NPAS3: variants seen among roughly 807,000 people sequenced by gnomAD.
NPAS3 encodes the protein neuronal PAS domain-containing protein 3.
NPAS3 carries 14 observed loss-of-function variants against 73.1 expected under a neutral mutation model. The observed-to-expected ratio is 0.19, with a 90% CI of 0.13 to 0.30. NPAS3 has a LOEUF of 0.30. Among genes scored for constraint, NPAS3 ranks in the 10% least tolerant of loss-of-function variants. The pLI is 1.00. For missense variants in NPAS3, 1,096 were observed against 1,250.0 expected (o/e 0.88, Z 1.86); for synonymous variants, 620 against 541.5 (o/e 1.14, Z -2.01).
chr14:33,518,117 A>G (rs1337001748), intron 4 of NPAS3, among the ~76,000 whole-genome samples: 1 of 152,162 alleles, frequency 6.6e-6, no homozygotes, highest in Non-Finnish European at 1.5e-5. Flanking sequence ...CTTTCATGCT[A>G]TGACATATCA....
rs17101046 is a variant in NPAS3 at position 33,416,135 on chromosome 14, C to A, written c.468+48867C>A. On this transcript the variant is annotated intron_variant, in intron 4 of 11. Coordinates refer to ENST00000356141, the Ensembl canonical transcript of NPAS3. The stretch of plus-strand genomic sequence containing the variant: ...AAGCATACAATAGGTACTTACAAAC[C>A]AACTCCATCTTCACAAGTGGAAAGC... 2.5e-4 allele frequency among the ~76,000 whole-genome samples: 38 copies of A among 152,134 alleles called. No individual in the cohort carries two copies. The East Asian group carries it at 7.2e-3, about 29-fold the overall frequency.
At chr14:33,170,839 C>A (rs539027022) in intron 2 of NPAS3, among the ~76,000 whole-genome samples, 1 of 152,276 alleles carries the variant, frequency 6.6e-6, no homozygotes, top group East Asian at 1.9e-4. Flanking sequence ...GAGTTTTGAA[C>A]CTTTCAAAGT....
intron 1 of NPAS3, among the ~76,000 whole-genome samples, chr14:33,025,430 A>G (rs1182347145): frequency 6.6e-6 from 1 of 152,174 alleles, no homozygotes; most frequent in African/African-American, 2.4e-5. Flanking sequence ...GCCTAACCTG[A>G]CCTACTCCCA....
intron 1 of NPAS3, among the ~76,000 whole-genome samples, chr14:33,041,711 G>A (rs1321029473): frequency 6.6e-6 from 1 of 152,294 alleles, no homozygotes; most frequent in African/African-American, 2.4e-5. Context: ...TGCAGCTGAG[G>A]AGATGAGAGA....
At chr14:33,309,083 A>G (rs1007428473) in intron 3 of NPAS3, among the ~76,000 whole-genome samples, 2 of 152,236 alleles carry the variant, frequency 1.3e-5, no homozygotes, top group South Asian at 2.1e-4. Context: ...AGATTAAGCC[A>G]TGGAGTATCC....
intron 2 of NPAS3, among the ~76,000 whole-genome samples, chr14:33,149,551 G>A (rs1481208915): frequency 6.6e-6 from 1 of 152,036 alleles, no homozygotes; most frequent in African/African-American, 2.4e-5. Flanking sequence ...TTTTCCTTTG[G>A]TCTAACTTTC....
intron 10 of NPAS3, among the ~76,000 whole-genome samples, chr14:33,796,231 A>G (rs968666874): frequency 1.3e-5 from 2 of 152,188 alleles, no homozygotes; most frequent in Non-Finnish European, 1.5e-5. Context: ...CCCAGGCCCC[A>G]ATCCAGGCTT....
chr14:33,378,495 G>T (rs573730586), intron 4 of NPAS3, among the ~76,000 whole-genome samples: 1 of 152,200 alleles, frequency 6.6e-6, no homozygotes, highest in Non-Finnish European at 1.5e-5. Flanking sequence ...AATTAGCTGG[G>T]TATGGTGGCA....
intron 2 of NPAS3, among the ~76,000 whole-genome samples, chr14:33,109,034 A>T (rs146634659): frequency 6.6e-6 from 1 of 152,252 alleles, no homozygotes; most frequent in Admixed American, 6.5e-5. Flanking sequence ...TCCTGATTTG[A>T]TTTATTGCAA....
chr14:32,982,087 G>A (rs975222950), intron 1 of NPAS3, among the ~76,000 whole-genome samples: 3 of 152,170 alleles, frequency 2.0e-5, no homozygotes, highest in Non-Finnish European at 2.9e-5. Context: ...CTATAAAGAA[G>A]AGAAATTTAA....
chr14:33,335,043 CGTGTGTGTGT>C (rs59212032), intron 3 of NPAS3, among the ~76,000 whole-genome samples: 4 of 146,950 alleles, frequency 2.7e-5, no homozygotes, highest in Non-Finnish European at 6.0e-5. Flanking sequence ...TGTGTGTGTG[CGTGTGTGTGT>C]GTGTGTGTGT....
chr14:33,633,622 G>T (rs926405403), intron 5 of NPAS3, among the ~76,000 whole-genome samples: 1 of 152,108 alleles, frequency 6.6e-6, no homozygotes, highest in Non-Finnish European at 1.5e-5. Flanking sequence ...ACATAGAAAA[G>T]GCATAGTAAA....
At chr14:33,555,443 A>C (rs1409164785) in intron 4 of NPAS3, among the ~76,000 whole-genome samples, 3 of 152,314 alleles carry the variant, frequency 2.0e-5, no homozygotes, top group Admixed American at 6.5e-5. Context: ...AACAGTGGGC[A>C]GTTGAAAAAA....
chr14:33,724,187 T>C (rs1261080498), intron 6 of NPAS3, among the ~76,000 whole-genome samples: 3 of 151,992 alleles, frequency 2.0e-5, no homozygotes, highest in Non-Finnish European at 4.4e-5. Context: ...TATGTCAGAG[T>C]TAATATCCTT....
intron 2 of NPAS3, among the ~76,000 whole-genome samples, chr14:33,101,200 G>A (rs949004874): frequency 3.3e-5 from 5 of 152,076 alleles, no homozygotes; most frequent in African/African-American, 1.2e-4. Flanking sequence ...ATTTCTGAGT[G>A]TTTGCCAATT....
chr14:33,253,256 T>G (rs943338273), intron 3 of NPAS3, among the ~76,000 whole-genome samples: 3 of 152,100 alleles, frequency 2.0e-5, no homozygotes, highest in Non-Finnish European at 4.4e-5. Context: ...AAATGTTCCC[T>G]TTTCTCCATG....
chr14:33,462,334 C>T (rs545042533), intron 4 of NPAS3, among the ~76,000 whole-genome samples: 3 of 152,202 alleles, frequency 2.0e-5, no homozygotes, highest in Non-Finnish European at 2.9e-5. Context: ...CTCTGGTTCT[C>T]GTCTCCTTCT....
rs530293619 is a variant in NPAS3, at chr14:33,036,743, C to G, written c.51-19162C>G. Among the ~76,000 whole-genome samples the G allele has an allele frequency of 3.4e-4, 52 of 152,190 alleles. 1 individual carries two copies. Among genetic ancestry groups the G allele is most frequent in the African/African-American group, 1.3e-3 (52 of 41,542 alleles). On this transcript the variant is annotated intron_variant, in intron 1 of 11. Transcript: ENST00000356141. The stretch of plus-strand genomic sequence containing the variant: ...AAAAACAGTTAAAAAAAAATCAGAC[C>G]TTTACTGATAAACTATAAAAGACTT...
At chr14:33,509,203 C>G (rs1394212889) in intron 4 of NPAS3, among the ~76,000 whole-genome samples, 1 of 151,962 alleles carries the variant, frequency 6.6e-6, no homozygotes, top group Non-Finnish European at 1.5e-5. Context: ...CTTGGCAAAT[C>G]ATATTACACT....
Sources: gnomAD v4.1 joint callset for allele counts (sites outside exome capture counted in the v4.1 genomes callset) on GRCh38, gnomAD v4.1.1 for gene constraint, MANE v1.5 for transcripts, NCBI Gene and HGNC (gene_info 2026-07-23, HGNC 2026-07-21) for gene names.